Variants in ATP6V1C1 observed in about 807,000 individuals in gnomAD.
The protein encoded by ATP6V1C1 is ATPase H+ transporting V1 subunit C1, also known as V-type proton ATPase subunit C 1.
Under a neutral mutation model 53.9 loss-of-function variants are expected in ATP6V1C1, and 45 were observed. The ratio of observed to expected loss-of-function variants is 0.83; its 90% confidence interval spans 0.66 to 1.07. The LOEUF (loss-of-function observed/expected upper bound fraction) is 1.07. Among genes scored for constraint, ATP6V1C1 ranks in the 50% least tolerant of loss-of-function variants. The pLI, the probability that ATP6V1C1 is intolerant of heterozygous loss-of-function variation, is 0.00. For missense variants in ATP6V1C1, 315 were observed against 440.3 expected (o/e 0.72, Z 2.55); for synonymous variants, 153 against 155.2 (o/e 0.99, Z 0.11).
chr8:103,067,330 G>A (rs1011323058), intron 12 of ATP6V1C1, among the ~76,000 whole-genome samples: 2 of 149,846 alleles, frequency 1.3e-5, no homozygotes, highest in African/African-American at 4.9e-5. Flanking sequence ...ACCTCGGGGG[G>A]TGGTTGCAGT....
At chr8:103,041,024 TTC>T in intron 2 of ATP6V1C1, 56 bp downstream of exon 2, 1 of 1,545,486 alleles carries the variant, frequency 6.5e-7, no homozygotes, top group East Asian at 2.4e-5. Flanking sequence ...GGAGGGCCAG[TTC>T]TCTCTTTTAG....
chr8:103,038,742 A>G (rs1432503082), intron 1 of ATP6V1C1, among the ~76,000 whole-genome samples: 1 of 152,260 alleles, frequency 6.6e-6, no homozygotes, highest in African/African-American at 2.4e-5. Context: ...ATATGATAGT[A>G]TAATAGCCTT....
At chr8:103,052,867 T>C in intron 6 of ATP6V1C1, 45 bp downstream of exon 6, 1 of 1,232,786 alleles carries the variant, frequency 8.1e-7, no homozygotes. Flanking sequence ...TGGGGAAGCA[T>C]ACTAGCATGC....
At chr8:103,059,732 G>A (rs1249828283) in intron 8 of ATP6V1C1, among the ~76,000 whole-genome samples, 1 of 151,726 alleles carries the variant, frequency 6.6e-6, no homozygotes, top group Non-Finnish European at 1.5e-5. Context: ...CCTGGACCAT[G>A]GTAATTGACC....
intron 4 of ATP6V1C1, among the ~76,000 whole-genome samples, 170 bp downstream of exon 4, chr8:103,049,125 C>G (rs919117337): frequency 3.9e-5 from 6 of 152,190 alleles, no homozygotes; most frequent in African/African-American, 1.4e-4. Flanking sequence ...CAGGTACATC[C>G]TGTTCCCTGA....
At chr8:103,051,784 T>C (rs1817205112) in intron 5 of ATP6V1C1, among the ~76,000 whole-genome samples, 1 of 152,108 alleles carries the variant, frequency 6.6e-6, no homozygotes, top group African/African-American at 2.4e-5. Context: ...GTTTGTGGAA[T>C]AAAAGTCTTA....
intron 1 of ATP6V1C1, among the ~76,000 whole-genome samples, chr8:103,021,654 G>A (rs1816594259): frequency 6.6e-6 from 1 of 151,748 alleles, no homozygotes; most frequent in African/African-American, 2.4e-5. Context: ...TCGGGGGTCG[G>A]GGGTGGTGGG....
chr8:103,067,876 T>G (rs770534776), intron 12 of ATP6V1C1, among the ~76,000 whole-genome samples: 1 of 152,164 alleles, frequency 6.6e-6, no homozygotes, highest in East Asian at 1.9e-4. Context: ...TGAGCCACCT[T>G]GCCCCCGGCC....
intron 12 of ATP6V1C1, among the ~76,000 whole-genome samples, chr8:103,067,253 G>A (rs1817508478): frequency 6.6e-6 from 1 of 151,928 alleles, no homozygotes; most frequent in Non-Finnish European, 1.5e-5. Context: ...ACAATAATTA[G>A]CTGGGCGTGG....
chr8:103,054,734 C>G (rs967531147), intron 7 of ATP6V1C1, among the ~76,000 whole-genome samples: 2 of 152,034 alleles, frequency 1.3e-5, no homozygotes, highest in Admixed American at 1.3e-4. Flanking sequence ...CTGTGTAGCA[C>G]TATTAATGGT....
chr8:103,056,766 T>C (rs952101021), intron 8 of ATP6V1C1, among the ~76,000 whole-genome samples: 3 of 152,164 alleles, frequency 2.0e-5, no homozygotes, highest in Non-Finnish European at 1.5e-5. Context: ...AGGATTCTTA[T>C]AGATATATAT....
At chr8:103,066,732 T>C (rs1372204808) in intron 12 of ATP6V1C1, among the ~76,000 whole-genome samples, 1 of 151,308 alleles carries the variant, frequency 6.6e-6, no homozygotes, top group Non-Finnish European at 1.5e-5. Context: ...TGATACTAGT[T>C]ATTTACAAAA....
At position 103,053,983 on chromosome 8, in the gene ATP6V1C1, G is replaced by C; in HGVS notation, c.572+1G>C. 7 of 1,599,350 alleles carry C rather than the reference G, an allele frequency of 4.4e-6. No individual in the cohort carries two copies. Among genetic ancestry groups the C allele is most frequent in the Non-Finnish European group, 6.0e-6 (7 of 1,171,136 alleles). On this transcript the variant is annotated splice_donor_variant, in intron 7 of 12. Transcript: ENST00000518738. LOFTEE classifies it high-confidence loss of function. ...TCACATTACTGGTAGTAGTTCCCAA[G>C]TAAGTCTTTCTATTATAAAAGGTTT...
chr8:103,038,221 G>T (rs1816933688), intron 1 of ATP6V1C1, among the ~76,000 whole-genome samples: 1 of 152,200 alleles, frequency 6.6e-6, no homozygotes, highest in Admixed American at 6.5e-5. Context: ...CACATGTCTG[G>T]TGGTTCATGC....
At chr8:103,029,228 A>G (rs902724138) in intron 1 of ATP6V1C1, among the ~76,000 whole-genome samples, 11 of 151,500 alleles carry the variant, frequency 7.3e-5, no homozygotes, top group Non-Finnish European at 1.0e-4. Flanking sequence ...TGTTCCAGAA[A>G]TTGTCTATCT....
At chr8:103,034,959 T>C (rs1816866252) in intron 1 of ATP6V1C1, among the ~76,000 whole-genome samples, 1 of 152,170 alleles carries the variant, frequency 6.6e-6, no homozygotes, top group Non-Finnish European at 1.5e-5. Context: ...TTTTGCAAAA[T>C]ACTTATGATG....
chr8:103,037,691 TAA>T (rs1476795541), intron 1 of ATP6V1C1, among the ~76,000 whole-genome samples: 1 of 152,218 alleles, frequency 6.6e-6, no homozygotes, highest in Non-Finnish European at 1.5e-5. Flanking sequence ...TACATTCTCA[TAA>T]AAATTTTAAA....
chr8:103,046,262 A>G (rs1332124523), intron 3 of ATP6V1C1, among the ~76,000 whole-genome samples: 2 of 152,032 alleles, frequency 1.3e-5, no homozygotes, highest in Admixed American at 6.6e-5. Flanking sequence ...GCTAGAGTGC[A>G]GTGGTGCAAT....
At chr8:103,042,207 A>G in intron 2 of ATP6V1C1, 133 bp from the exon 3 acceptor site, 1 of 827,360 alleles carries the variant, frequency 1.2e-6, no homozygotes, top group Non-Finnish European at 1.9e-6. Flanking sequence ...AACATCTTTT[A>G]ACTGTACTTA....
Sources: gnomAD v4.1 joint callset for allele counts (sites outside exome capture counted in the v4.1 genomes callset) on GRCh38, gnomAD v4.1.1 for gene constraint, MANE v1.5 for transcripts, NCBI Gene and HGNC (gene_info 2026-07-23, HGNC 2026-07-21) for gene names.